The following NAV1 variants were observed in gnomAD, a reference collection of about 807,000 sequenced individuals.
NAV1 encodes the protein neuron navigator 1.
Under a neutral mutation model 175.2 loss-of-function variants are expected in NAV1, and 18 were observed. That is an observed-to-expected ratio of 0.10 (90% CI 0.07 to 0.15). The LOEUF is 0.15. Among genes scored for constraint, NAV1 ranks in the 10% least tolerant of loss-of-function variants. The pLI is 1.00. For synonymous variants in NAV1, 897 were observed against 978.7 expected (o/e 0.92, Z 1.56); for missense variants, 1,731 against 2,436.6 (o/e 0.71, Z 6.10).
At chr1:201,547,770 T>G (rs1038752811) in intron 1 of NAV1, among the ~76,000 whole-genome samples, 1 of 152,212 alleles carries the variant, frequency 6.6e-6, no homozygotes. Flanking sequence ...ACACATTCTG[T>G]ATCCTCTTCA....
chr1:201,812,040 C>A lies in NAV1; in HGVS notation c.5024+66C>A. On this transcript the variant is annotated intron_variant, in intron 26 of 29. Transcript: ENST00000367296. The surrounding 1 kb of genome is among the most constrained non-coding windows in gnomAD (Gnocchi z 4.6). Reference sequence around the variant, plus strand: ...AAGAGTCTTCAATCCTGGACTCTGGCCAGGAGGCAGTAGATAGGAGAAGGA... The same window carrying A: ...AAGAGTCTTCAATCCTGGACTCTGGACAGGAGGCAGTAGATAGGAGAAGGA... 6.9e-7 allele frequency: 1 copy of A among 1,448,464 alleles called. No individual in the cohort carries two copies. Among genetic ancestry groups the A allele is most frequent in the Non-Finnish European group, 9.7e-7 (1 of 1,029,464 alleles). The allele number at this position is 1,448,464 out of a possible 1,614,324, so 89.7% of individuals were successfully genotyped here. A position where few individuals can be genotyped will look rare whatever the true frequency, so the allele number is the denominator to read the frequency against.
At chr1:201,796,063 T>C (rs916658862) in intron 15 of NAV1, 1 of 152,224 alleles carries the variant, frequency 6.6e-6, no homozygotes, top group African/African-American at 2.4e-5. Flanking sequence ...TGTTTAGCTG[T>C]TCATCAGTTG....
At chr1:201,652,909 G>T (rs1201798192) in intron 1 of NAV1, among the ~76,000 whole-genome samples, 1 of 152,184 alleles carries the variant, frequency 6.6e-6, no homozygotes, top group Non-Finnish European at 1.5e-5. Flanking sequence ...GAACGTCACA[G>T]CTCAGCCTAG....
intron 2 of NAV1, among the ~76,000 whole-genome samples, chr1:201,590,477 G>A (rs546760927): frequency 2.4e-4 from 37 of 152,244 alleles, no homozygotes; most frequent in Middle Eastern, 6.8e-3. Context: ...GTATACAGTC[G>A]TTTAACTACC....
At position 201,734,014 on chromosome 1, in the gene NAV1, A is replaced by G. The variant is rs1347456253; in HGVS notation, c.1226+15259A>G. 2.0e-5 allele frequency among the ~76,000 whole-genome samples: 3 copies of G among 152,152 alleles called. No homozygotes were observed. In the South Asian group the frequency reaches 6.2e-4, roughly 32 times the overall value. ...CCACAGGGACACCAGGGGAACCAGG[A>G]AGCATGGAAGGGAGACTGCTGCAGT... On this transcript the variant is annotated intron_variant, in intron 3 of 29. Coordinates refer to ENST00000367296, the Ensembl canonical transcript of NAV1.
chr1:201,598,318 G>T (rs1667413874), intron 2 of NAV1, among the ~76,000 whole-genome samples: 1 of 152,210 alleles, frequency 6.6e-6, no homozygotes, highest in Admixed American at 6.5e-5. Context: ...AATGAGGCAG[G>T]GCAGAGAGAT....
chr1:201,711,716 G>A (rs1671915240), intron 1 of NAV1, among the ~76,000 whole-genome samples: 1 of 152,182 alleles, frequency 6.6e-6, no homozygotes, highest in African/African-American at 2.4e-5. Context: ...GGTACTGGGG[G>A]ACTTGGTTCC....
intron 1 of NAV1, among the ~76,000 whole-genome samples, chr1:201,682,210 C>G (rs146733481): frequency 6.6e-6 from 1 of 151,856 alleles, no homozygotes; most frequent in South Asian, 2.1e-4. Flanking sequence ...CACTTGAACC[C>G]GGGAGGCGGA....
intron 1 of NAV1, among the ~76,000 whole-genome samples, chr1:201,670,346 A>G (rs1410289384): frequency 1.5e-5 from 2 of 132,746 alleles, no homozygotes; most frequent in African/African-American, 5.9e-5. Flanking sequence ...ATGCCACTGC[A>G]CTCCAGCCTG....
At position 201,722,975 on chromosome 1, in the gene NAV1, G is replaced by A. The variant is rs146863253; in HGVS notation, c.1226+4220G>A. On this transcript the variant is annotated intron_variant, in intron 3 of 29. Coordinates refer to ENST00000367296, the Ensembl canonical transcript of NAV1. ...AAAACTACAAAAACTAGCTGGCGTG[G>A]TGGTGCGTGCCTGTAATACCAGCTA... Among the ~76,000 whole-genome samples, 935 of 152,310 alleles carry A rather than the reference G, an allele frequency of 6.1e-3. 12 individuals are homozygous for A. Among genetic ancestry groups the A allele is most frequent in the African/African-American group, 0.022 (908 of 41,564 alleles).
At chr1:201,746,393 A>C (rs1162026755) in intron 3 of NAV1, among the ~76,000 whole-genome samples, 1 of 152,194 alleles carries the variant, frequency 6.6e-6, no homozygotes, top group African/African-American at 2.4e-5. Flanking sequence ...AAATCATGTC[A>C]CCTGAAACAT....
chr1:201,647,830 T>G (rs1436019673), upstream of NAV1, among the ~76,000 whole-genome samples: 1 of 151,510 alleles, frequency 6.6e-6, no homozygotes, highest in Non-Finnish European at 1.5e-5. Context: ...CGGGCCCACT[T>G]TCCCTCCCGC....
At chr1:201,642,568 TCCC>T (rs1668825035) in intron 2 of NAV1, among the ~76,000 whole-genome samples, 4 of 147,536 alleles carry the variant, frequency 2.7e-5, no homozygotes, top group African/African-American at 1.0e-4. Flanking sequence ...TTCCCTTTCT[TCCC>T]TTCCTTCTCT....
chr1:201,772,760 A>G (rs488630), intron 3 of NAV1, among the ~76,000 whole-genome samples: 74,425 of 152,004 alleles, frequency 0.49, 18,894 homozygotes, highest in African/African-American at 0.63. Context: ...TGGGCCGGGC[A>G]CAGTGGCTCA....
chr1:201,747,815 C>G (rs569842445), intron 3 of NAV1, among the ~76,000 whole-genome samples: 1 of 152,334 alleles, frequency 6.6e-6, no homozygotes, highest in East Asian at 1.9e-4. Context: ...TTAAGCTTCT[C>G]TCTTCCTAAA....
chr1:201,739,073 C>G (rs539812430), intron 3 of NAV1, among the ~76,000 whole-genome samples: 39 of 152,142 alleles, frequency 2.6e-4, no homozygotes, highest in Non-Finnish European at 4.9e-4. Flanking sequence ...GGGGAGGAAC[C>G]CAATGGGAGG....
intron 1 of NAV1, among the ~76,000 whole-genome samples, chr1:201,662,715 C>G (rs1669660857): frequency 6.6e-6 from 1 of 152,200 alleles, no homozygotes; most frequent in Non-Finnish European, 1.5e-5. Context: ...TTCCACTTCT[C>G]CTGCAGGCCT....
intron 3 of NAV1, among the ~76,000 whole-genome samples, chr1:201,744,926 T>G (rs1352369123): frequency 6.6e-6 from 1 of 152,214 alleles, no homozygotes; most frequent in Non-Finnish European, 1.5e-5. Flanking sequence ...AGGAATCCTA[T>G]CTGGAGGTCT....
rs1676743034 is a variant in NAV1 at position 201,786,296 on chromosome 1, G to A, written c.2847-133G>A. 21 of 926,946 alleles carry A rather than the reference G, an allele frequency of 2.3e-5. No individual in the cohort carries two copies. The South Asian group carries it at 3.3e-4, about 15-fold the overall frequency. 57.4% of individuals were successfully genotyped at this position (926,946 alleles called of 1,614,324 possible). On this transcript the variant is annotated intron_variant, in intron 8 of 29. Transcript: ENST00000367296. ...TCTTACTCCCTCCTTGGGCAGCCCT[G>A]ACCACTCCCTCTTTTCCATGTCCTG...
Sources: allele counts gnomAD v4.1 joint callset (sites outside exome capture counted in the v4.1 genomes callset), GRCh38; gene constraint gnomAD v4.1.1; non-coding constraint Gnocchi (gnomAD v3.1); transcripts MANE v1.5; gene names NCBI Gene and HGNC (gene_info 2026-07-23, HGNC 2026-07-21).